The following TRAPPC11 variants were observed in gnomAD, a reference collection of about 807,000 sequenced individuals.
TRAPPC11 encodes the protein foie gras homolog.
A neutral mutation model predicts 151.2 loss-of-function variants in TRAPPC11; 104 were observed. The observed-to-expected ratio is 0.69, with a 90% confidence interval of 0.59 to 0.81. TRAPPC11 has a LOEUF of 0.81. Ranked by LOEUF, TRAPPC11 falls within the 30% of genes least tolerant of loss-of-function variation. The probability of loss-of-function intolerance (pLI) is 0.00; values close to 1 mark genes in which losing one functional copy is unlikely to be tolerated. For synonymous variants in TRAPPC11, 456 were observed against 472.3 expected, an observed-to-expected ratio of 0.97 and a Z score of 0.45; for missense variants, 1,230 against 1,349.6, an observed-to-expected ratio of 0.91 and a Z score of 1.39.
chr4:183,707,000 C>T (rs977577381), intron 28 of TRAPPC11, 60 bp downstream of exon 28: 1 of 1,579,852 alleles, frequency 6.3e-7, no homozygotes, highest in Non-Finnish European at 8.6e-7. Flanking sequence ...AAACGGAGAG[C>T]TGTACCTTTA....
rs1736400949 is a variant in TRAPPC11 at position 183,694,025 on chromosome 4, A to T, written c.2495A>T (p.His832Leu). ...LLTDIPVGDLHPGEQLEKMLY... is the reference protein window; with the variant it reads ...LLTDIPVGDLLPGEQLEKMLY... ...ACTGACATTCCTGTTGGAGACTTAC[A>T]TCCAGGGGAACAGGTAAACTTGGTC... Residue 832 changes from histidine to leucine, a missense_variant, in exon 22 of 30, where the codon CAT becomes CTT. Transcript: ENST00000334690. 1.9e-6 allele frequency: 3 copies of T among 1,613,828 alleles called. No individual in the cohort carries two copies. Among genetic ancestry groups the T allele is most frequent in the South Asian group, 2.2e-5 (2 of 91,080 alleles).
chr4:183,688,055 G>C (rs1239886985), intron 18 of TRAPPC11, among the ~76,000 whole-genome samples: 1 of 152,154 alleles, frequency 6.6e-6, no homozygotes, highest in Non-Finnish European at 1.5e-5. Flanking sequence ...TACCCAGAAA[G>C]TATAGTGAGT....
At chr4:183,664,576 A>G (rs964275636) in intron 2 of TRAPPC11, among the ~76,000 whole-genome samples, 1 of 152,224 alleles carries the variant, frequency 6.6e-6, no homozygotes, top group African/African-American at 2.4e-5. Flanking sequence ...GAATGAAGAA[A>G]GGTATTAAGT....
At position 183,705,040 on chromosome 4, in the gene TRAPPC11, G is replaced by A. The variant is rs1736986982; in HGVS notation, c.3025G>A (p.Val1009Met). ...TGTCATCACTCTGCCGCACGTGATT[G>A]TGGAGAATATCCCTCTCCATGTGAA... is the stretch of plus-strand genomic sequence containing the variant. ...TTVITLPHVI[V>M]ENIPLHVNAD... The change falls in exon 27 of 30, where the codon GTG becomes ATG. Residue 1009 changes from valine (V) to methionine (M), a missense_variant. Val to Met is a conservative substitution (Grantham distance 21). Transcript: ENST00000334690. The A allele has an allele frequency of 6.3e-7, 1 of 1,596,390 alleles. No homozygotes were observed. The highest frequency in any genetic ancestry group is 1.1e-5 in the South Asian group (1 of 88,678).
chr4:183,682,944 T>C, intron 11 of TRAPPC11, 119 bp downstream of exon 11: 1 of 697,936 alleles, frequency 1.4e-6, no homozygotes, highest in South Asian at 1.8e-5. Context: ...ATGTGTGCTT[T>C]TTAAACATTG....
At position 183,697,881 on chromosome 4, in the gene TRAPPC11, G is replaced by A. The variant is rs62358033; in HGVS notation, c.2851+46G>A. On this transcript the variant is annotated intron_variant, in intron 25 of 29. Transcript: ENST00000334690. ...CTTAAAGACCAGGAGAATTGTGCGC[G>A]CGTGTGTGTGTGTGTGTATAAGCTG... is the stretch of plus-strand genomic sequence containing the variant. The A allele has an allele frequency of 0.22, 340,257 of 1,556,998 alleles. 34,801 individuals carry two copies. The highest frequency in any genetic ancestry group is 0.38 in the African/African-American group (28,065 of 73,494).
At chr4:183,711,135 C>T (rs895329202) in intron 29 of TRAPPC11, among the ~76,000 whole-genome samples, 2 of 151,686 alleles carry the variant, frequency 1.3e-5, no homozygotes, top group African/African-American at 2.4e-5. Flanking sequence ...ACTTGTCACT[C>T]TAAGGACAGT....
intron 10 of TRAPPC11, among the ~76,000 whole-genome samples, chr4:183,680,948 C>T (rs1040293470): frequency 8.6e-5 from 13 of 151,960 alleles, no homozygotes; most frequent in Non-Finnish European, 1.8e-4. Flanking sequence ...CCGCCTTGGC[C>T]TTCCAAAGTG....
intron 9 of TRAPPC11, 48 bp from the exon 10 acceptor site, chr4:183,680,069 GCTT>G: frequency 1.3e-6 from 2 of 1,520,788 alleles, no homozygotes; most frequent in Non-Finnish European, 1.8e-6. Context: ...CCAGAAATAA[GCTT>G]CTTTTTCTTT....
Position 183,693,945 on chromosome 4 carries a change from T to C in TRAPPC11, c.2415T>C (p.Thr805=). Residue 805 remains threonine (T), a synonymous_variant, in exon 22 of 30, where the codon ACT becomes ACC. Coordinates refer to ENST00000334690, the MANE Select transcript of TRAPPC11 (RefSeq NM_021942.6). The part of the protein sequence containing the change: ...PGQDANLTQK[T]HVTLHGTELC... The stretch of plus-strand genomic sequence containing the variant: ...AGGATGCCAATTTAACTCAGAAGAC[T>C]CACGTGACTCTTCATGGAACAGAAC... The C allele has an allele frequency of 6.2e-7, 1 of 1,613,832 alleles. No individual in the cohort carries two copies. The highest frequency in any genetic ancestry group is 1.1e-5 in the South Asian group (1 of 91,062).
At chr4:183,710,538 G>A (rs561629958) in intron 29 of TRAPPC11, among the ~76,000 whole-genome samples, 15 of 151,064 alleles carry the variant, frequency 9.9e-5, no homozygotes, top group South Asian at 6.3e-4. Flanking sequence ...CTCCCGCCTC[G>A]GCCTCCTAAA....
At chr4:183,705,698 G>A (rs1396923166) in intron 27 of TRAPPC11, among the ~76,000 whole-genome samples, 1 of 152,090 alleles carries the variant, frequency 6.6e-6, no homozygotes, top group Non-Finnish European at 1.5e-5. Flanking sequence ...AGATTACATG[G>A]TGCTGTTTTT....
intron 2 of TRAPPC11, among the ~76,000 whole-genome samples, chr4:183,665,295 C>CT (rs1734813510): frequency 1.3e-5 from 2 of 151,882 alleles, no homozygotes; most frequent in Admixed American, 6.6e-5. Context: ...GGGGTTTCAC[C>CT]GTGTTAGCCA....
intron 10 of TRAPPC11, among the ~76,000 whole-genome samples, chr4:183,680,483 T>C (rs1735621524): frequency 6.6e-6 from 1 of 152,174 alleles, no homozygotes; most frequent in South Asian, 2.1e-4. Flanking sequence ...GAAGAACTAA[T>C]TTTTGGCAGT....
intron 2 of TRAPPC11, among the ~76,000 whole-genome samples, chr4:183,665,316 G>A (rs113538197): frequency 4.9e-4 from 74 of 151,872 alleles, no homozygotes; most frequent in South Asian, 1.9e-3. Context: ...GGATGGTCTC[G>A]ATCTCCTGAC....
intron 18 of TRAPPC11, among the ~76,000 whole-genome samples, chr4:183,688,860 C>A (rs1053677164): frequency 2.0e-5 from 3 of 152,130 alleles, no homozygotes; most frequent in Non-Finnish European, 4.4e-5. Flanking sequence ...ATCCTCCCAC[C>A]TCAGCCTCCT....
chr4:183,699,019 T>G (rs1736677959), intron 25 of TRAPPC11, among the ~76,000 whole-genome samples: 1 of 152,194 alleles, frequency 6.6e-6, no homozygotes, highest in East Asian at 1.9e-4. Flanking sequence ...TTTTCTTCCT[T>G]GGCAGTCATT....
intron 8 of TRAPPC11, 106 bp downstream of exon 8, chr4:183,677,660 T>G: frequency 1.5e-6 from 1 of 680,466 alleles, no homozygotes; most frequent in South Asian, 1.9e-5. Context: ...AGTTAGTATT[T>G]GATTAATTAT....
rs1465144349 is a variant in TRAPPC11 at position 183,675,235 on chromosome 4, G to C, written c.732G>C (p.Leu244=). 1 of 1,527,938 alleles carries C rather than the reference G, an allele frequency of 6.5e-7. No individual in the cohort carries two copies. The highest frequency in any genetic ancestry group is 8.8e-7 in the Non-Finnish European group (1 of 1,133,604). 94.6% of individuals were successfully genotyped at this position (1,527,938 alleles called of 1,614,324 possible). Residue 244 remains leucine, a splice_region_variant and synonymous_variant, in exon 7 of 30, where the codon CTG becomes CTC. Transcript: ENST00000334690. ...SELKQDTQNA[L]KNYRTAYNLV... is the part of the protein sequence containing the mutation. ...TGAAACAAGATACACAAAATGCGCT[G>C]AAGTAAGTTAAGCTTTCAAACTAAA...
Sources: allele counts gnomAD v4.1 joint callset (sites outside exome capture counted in the v4.1 genomes callset), GRCh38; gene constraint gnomAD v4.1.1; transcripts MANE v1.5; gene names NCBI Gene and HGNC (gene_info 2026-07-23, HGNC 2026-07-21).